The following MCUB variants were observed in gnomAD, a reference collection of about 807,000 sequenced individuals.
MCUB encodes the protein mitochondrial calcium uniporter dominant negative subunit beta, also known as calcium uniporter regulatory subunit MCUb, mitochondrial.
A neutral mutation model predicts 41.4 loss-of-function variants in MCUB; 46 were observed. That is an observed-to-expected ratio of 1.11 (90% CI 0.88 to 1.42). The LOEUF is 1.42. Ranked by LOEUF, MCUB falls within the 40% of genes most tolerant of loss-of-function variation. MCUB has a pLI of 0.00. For missense variants in MCUB, 403 were observed against 404.9 expected, an observed-to-expected ratio of 1.00 and a Z score of 0.04; for synonymous variants, 148 against 148.2, an observed-to-expected ratio of 1.00 and a Z score of 0.01.
At chr4:109,676,079 G>C (rs1729572089) in intron 4 of MCUB, among the ~76,000 whole-genome samples, 1 of 152,212 alleles carries the variant, frequency 6.6e-6, no homozygotes, top group South Asian at 2.1e-4. Context: ...ATTTGGTAAT[G>C]GGCAAAGGCT....
At chr4:109,612,977 G>A (rs549354843) in intron 1 of MCUB, among the ~76,000 whole-genome samples, 96 of 152,096 alleles carry the variant, frequency 6.3e-4, no homozygotes, top group Middle Eastern at 3.4e-3. Flanking sequence ...GTGGTGGCGG[G>A]CGTCTGTAGT....
At position 109,685,290 on chromosome 4, in the gene MCUB, C is replaced by T. The variant is rs373684461; in HGVS notation, c.856C>T (p.Gln286Ter). 3.2e-6 allele frequency: 5 copies of T among 1,570,768 alleles called. No individual in the cohort carries two copies. In the East Asian group the frequency reaches 6.7e-5, roughly 21 times the overall value. ...YSAVKSRQFL[Q>*]FFHKKSKQQH... is the part of the protein sequence containing the mutation. ...AGCTGTTAAGAGTAGGCAATTTCTT[C>T]AGTTCTTCCACAAGAAATCAAAGCA... Residue 286 changes from glutamine (Q) to a stop codon, truncating the protein, a stop_gained, in exon 7 of 8, where the codon CAG becomes TAG. Coordinates refer to ENST00000394650, the MANE Select transcript of MCUB (RefSeq NM_017918.5). LOFTEE classifies it high-confidence loss of function.
intron 5 of MCUB, chr4:109,683,032 A>G: frequency 4.1e-6 from 1 of 241,084 alleles, no homozygotes; most frequent in Non-Finnish European, 7.9e-6. Context: ...GAGATCAGTC[A>G]TAATGTCTCT....
chr4:109,607,970 A>G (rs1727919489), intron 1 of MCUB, among the ~76,000 whole-genome samples: 1 of 152,046 alleles, frequency 6.6e-6, no homozygotes, highest in Non-Finnish European at 1.5e-5. Flanking sequence ...TATCCCTTTG[A>G]ATTTCTACCT....
intron 1 of MCUB, among the ~76,000 whole-genome samples, chr4:109,641,445 C>T (rs1189578218): frequency 3.3e-5 from 5 of 152,054 alleles, no homozygotes; most frequent in East Asian, 1.9e-4. Context: ...CCATCCTATA[C>T]GACCATGTTT....
At chr4:109,597,924 G>A (rs1202130327) in intron 1 of MCUB, among the ~76,000 whole-genome samples, 18 of 150,932 alleles carry the variant, frequency 1.2e-4, no homozygotes, top group African/African-American at 3.6e-4. Flanking sequence ...ACGGGGTCGC[G>A]GCCGGGCAGA....
In MCUB at chr4:109,612,980, T is replaced by C. The variant is rs369361626; in HGVS notation, c.100-46031T>C. On this transcript the variant is annotated intron_variant, in intron 1 of 7. Coordinates refer to ENST00000394650, the MANE Select transcript of MCUB (RefSeq NM_017918.5). ...AATTAGCTGGGTGTGGTGGCGGGCG[T>C]CTGTAGTCCCAGCTACTCGCGAGGC... 2.5e-4 allele frequency among the ~76,000 whole-genome samples: 38 copies of C among 151,862 alleles called. 1 individual carries two copies. The South Asian group carries it at 5.8e-3, about 23-fold the overall frequency.
chr4:109,574,400 T>C (rs1205037675), intron 1 of MCUB, among the ~76,000 whole-genome samples: 1 of 152,086 alleles, frequency 6.6e-6, no homozygotes, highest in Non-Finnish European at 1.5e-5. Context: ...CCCAAGTTTC[T>C]AAAATAACTC....
rs1240348316 is a variant in MCUB at position 109,598,188 on chromosome 4, G to A, written c.99+37752G>A. On this transcript the variant is annotated intron_variant, in intron 1 of 7. Coordinates refer to ENST00000394650, the MANE Select transcript of MCUB (RefSeq NM_017918.5). ...CAGAGACGCTCCTCACTTCCCAGACGGGGTGGCGGCCGGGCAGAGGATGCA... is the reference window on the plus strand; with the variant it reads ...CAGAGACGCTCCTCACTTCCCAGACAGGGTGGCGGCCGGGCAGAGGATGCA... Among the ~76,000 whole-genome samples the A allele has an allele frequency of 2.8e-3, 422 of 149,154 alleles. 5 individuals carry two copies. The highest frequency in any genetic ancestry group is 6.1e-4 in the Non-Finnish European group (41 of 67,030).
intron 1 of MCUB, among the ~76,000 whole-genome samples, chr4:109,584,210 C>T (rs1265897115): frequency 6.6e-6 from 1 of 152,156 alleles, no homozygotes; most frequent in Non-Finnish European, 1.5e-5. Flanking sequence ...TTATCCATTT[C>T]TTCTAGATTT....
chr4:109,610,052 T>C (rs1727970518), intron 1 of MCUB, among the ~76,000 whole-genome samples: 1 of 152,168 alleles, frequency 6.6e-6, no homozygotes, highest in African/African-American at 2.4e-5. Context: ...CTGTGGCCAC[T>C]GCCACCATAG....
intron 1 of MCUB, among the ~76,000 whole-genome samples, chr4:109,567,979 G>A (rs1182247277): frequency 6.6e-6 from 1 of 152,168 alleles, no homozygotes; most frequent in African/African-American, 2.4e-5. Context: ...GATTACAGGT[G>A]TGGGCCACCG....
At chr4:109,667,350 G>T (rs1435584851) in intron 4 of MCUB, among the ~76,000 whole-genome samples, 1 of 151,886 alleles carries the variant, frequency 6.6e-6, no homozygotes, top group Non-Finnish European at 1.5e-5. Flanking sequence ...ATTTTGTCTA[G>T]GTTATTGAAT....
At chr4:109,632,648 C>T (rs1489644184) in intron 1 of MCUB, among the ~76,000 whole-genome samples, 1 of 137,932 alleles carries the variant, frequency 7.2e-6, no homozygotes, top group Admixed American at 7.6e-5. Context: ...TGGAGTCTCA[C>T]TCTGTTGCCC....
intron 1 of MCUB, among the ~76,000 whole-genome samples, chr4:109,609,452 C>T (rs1018784115): frequency 1.3e-5 from 2 of 152,150 alleles, no homozygotes; most frequent in Non-Finnish European, 2.9e-5. Flanking sequence ...GACCAGAGGT[C>T]ACTCTTGTAG....
intron 4 of MCUB, among the ~76,000 whole-genome samples, chr4:109,680,198 T>C (rs547272627): frequency 2.1e-4 from 32 of 152,308 alleles, no homozygotes; most frequent in African/African-American, 7.7e-4. Flanking sequence ...CTCTGGCTCT[T>C]ACTCCCAACC....
chr4:109,657,135 CTT>C (rs1214669609), intron 1 of MCUB, among the ~76,000 whole-genome samples: 1 of 150,190 alleles, frequency 6.7e-6, no homozygotes, highest in Non-Finnish European at 1.5e-5. Context: ...AGGAGAATCA[CTT>C]GAACCCAGGA....
chr4:109,601,687 G>C (rs1727748683), intron 1 of MCUB, among the ~76,000 whole-genome samples: 1 of 152,164 alleles, frequency 6.6e-6, no homozygotes, highest in African/African-American at 2.4e-5. Context: ...GAACAGTGCT[G>C]CAGTAAACAT....
chr4:109,667,681 C>G (rs928150603), intron 4 of MCUB, among the ~76,000 whole-genome samples: 1 of 149,846 alleles, frequency 6.7e-6, no homozygotes, highest in Non-Finnish European at 1.5e-5. Context: ...TTTATTATCT[C>G]TTTTCTTCTG....
Sources: gnomAD v4.1 joint callset for allele counts (sites outside exome capture counted in the v4.1 genomes callset) on GRCh38, gnomAD v4.1.1 for gene constraint, MANE v1.5 for transcripts, NCBI Gene and HGNC (gene_info 2026-07-23, HGNC 2026-07-21) for gene names.